NOL8: variants seen among roughly 807,000 people sequenced by gnomAD.
NOL8 encodes nucleolar protein Nop132.
Under a neutral mutation model 116.1 loss-of-function variants are expected in NOL8, and 93 were observed. That is an observed-to-expected ratio of 0.80 (90% CI 0.68 to 0.95). The LOEUF (loss-of-function observed/expected upper bound fraction) is 0.95. Ranked by LOEUF, NOL8 falls within the 40% of genes least tolerant of loss-of-function variation. The pLI is 0.00. For synonymous variants in NOL8, 419 were observed against 469.0 expected (o/e 0.89, Z 1.38); for missense variants, 1,291 against 1,382.8 (o/e 0.93, Z 1.05).
At chr9:92,310,792 G>A in intron 8 of NOL8, 117 bp from the exon 9 acceptor site, 3 of 1,118,768 alleles carry the variant, frequency 2.7e-6, no homozygotes, top group Non-Finnish European at 3.8e-6. Context: ...TACCAGGAAT[G>A]AGTAAATGGC....
Position 92,298,278 on chromosome 9 carries a change from G to C in NOL8, c.3432C>G (p.Ala1144=), listed in dbSNP as rs1403935473. The change falls in exon 16 of 17, where the codon GCC becomes GCG. Residue 1144 remains alanine (A), a synonymous_variant. Coordinates refer to ENST00000442668, the MANE Select transcript of NOL8 (RefSeq NM_017948.6). ...TCACCATACGCAGGTTGGTTGTTCT[G>C]GCCTCCCAAGAGTTCCTGCTCATAT... is the stretch of plus-strand genomic sequence containing the variant. The part of the protein sequence containing the change: ...GSNMSRNSWE[A]RTTNLRMDCR... 6.2e-7 allele frequency: 1 copy of C among 1,608,368 alleles called. No individual in the cohort carries two copies. The highest frequency in any genetic ancestry group is 1.1e-5 in the South Asian group (1 of 89,560).
intron 6 of NOL8, among the ~76,000 whole-genome samples, chr9:92,318,141 C>T (rs1053171365): frequency 3.3e-5 from 5 of 151,472 alleles, no homozygotes; most frequent in African/African-American, 1.2e-4. Context: ...AATGTGACCT[C>T]ACTGAATAGG....
intron 1 of NOL8, 66 bp from the exon 2 acceptor site, chr9:92,324,275 G>T: frequency 1.7e-6 from 2 of 1,182,458 alleles, no homozygotes; most frequent in Non-Finnish European, 2.4e-6. Context: ...TACTTCCTCT[G>T]AACCTTCTGT....
In NOL8 at chr9:92,298,338, T is replaced by C. The variant is rs1184310392; in HGVS notation, c.3374-2A>G. On this transcript the variant is annotated splice_acceptor_variant, in intron 15 of 16. Transcript: ENST00000442668. LOFTEE classifies it high-confidence loss of function. Reference sequence around the variant, plus strand: ...CTCCTCTCCAGAATAAGTCAGAACCTATTAGGGGAAAAAGAAGAAAGATGA... The same window carrying C: ...CTCCTCTCCAGAATAAGTCAGAACCCATTAGGGGAAAAAGAAGAAAGATGA... 1 of 1,591,024 alleles carries C rather than the reference T, an allele frequency of 6.3e-7. No homozygotes were observed. The highest frequency in any genetic ancestry group is 1.8e-5 in the Admixed American group (1 of 56,582).
intron 12 of NOL8, among the ~76,000 whole-genome samples, chr9:92,302,250 T>C (rs1468041264): frequency 6.6e-6 from 1 of 152,116 alleles, no homozygotes; most frequent in African/African-American, 2.4e-5. Flanking sequence ...TGTAAATCAG[T>C]TGTAGAAATT....
rs760063198 is a variant in NOL8 at position 92,316,141 on chromosome 9, T to C, written c.487-3A>G. 1.2e-6 allele frequency: 2 copies of C among 1,603,956 alleles called. No homozygotes were observed. Among genetic ancestry groups the C allele is most frequent in the Admixed American group, 1.7e-5 (1 of 57,866 alleles). ...TTTGAGGGATCATATTTGATGATGT[T>C]ACGCAAGTCAAGAAACAAAACTAAA... On this transcript the variant is annotated splice_polypyrimidine_tract_variant and splice_region_variant and intron_variant, in intron 6 of 16. Coordinates refer to ENST00000442668, the MANE Select transcript of NOL8 (RefSeq NM_017948.6).
chr9:92,315,803 A>T lies in NOL8; in HGVS notation c.822T>A (p.Asp274Glu). The T allele has an allele frequency of 6.2e-7, 1 of 1,613,786 alleles. No homozygotes were observed. Among genetic ancestry groups the T allele is most frequent in the Non-Finnish European group, 8.5e-7 (1 of 1,179,756 alleles). Residue 274 changes from aspartate to glutamate, a missense_variant, in exon 7 of 17, where the codon GAT becomes GAA. Asp to Glu is a conservative substitution (Grantham distance 45). Coordinates refer to ENST00000442668, the MANE Select transcript of NOL8 (RefSeq NM_017948.6). ...PSKSSPVPVS[D>E]TQKLKNLPFK... ...AAGGTAGATTTTTAAGTTTCTGAGT[A>T]TCAGAAACAGGTACAGGAGATGATT...
chr9:92,309,381 TA>T (rs1838558202), intron 10 of NOL8, among the ~76,000 whole-genome samples: 1 of 152,002 alleles, frequency 6.6e-6, no homozygotes, highest in Non-Finnish European at 1.5e-5. Flanking sequence ...AAGACCTAAC[TA>T]TGTCTGTAGA....
rs1319337157 is a variant in NOL8 at position 92,315,266 on chromosome 9, GGAGT to G, written c.1355_1358del (p.His452ProfsTer13). ...CAGAATCAGCATCTTCACTGCTACT[GGAGT>G]GAGAGGGAGATTTACGATTAAGAGA... On this transcript the variant is annotated frameshift_variant, in exon 7 of 17. Transcript: ENST00000442668. LOFTEE classifies it high-confidence loss of function. 6.2e-7 allele frequency: 1 copy of G among 1,613,946 alleles called. No homozygotes were observed.
chr9:92,313,279 C>T (rs7863396), intron 7 of NOL8, among the ~76,000 whole-genome samples: 7,576 of 152,200 alleles, frequency 0.05, 629 homozygotes, highest in African/African-American at 0.17. Flanking sequence ...TGGTTACAGA[C>T]GGAGCCGTTC....
chr9:92,307,809 G>T (rs1838410297), intron 10 of NOL8, among the ~76,000 whole-genome samples: 1 of 152,148 alleles, frequency 6.6e-6, no homozygotes, highest in Admixed American at 6.5e-5. Context: ...TTATAAACTA[G>T]GTAAAGTTAT....
intron 11 of NOL8, 147 bp from the exon 12 acceptor site, chr9:92,305,977 C>A: frequency 1.6e-6 from 1 of 615,536 alleles, no homozygotes. Context: ...TAACTAGGAT[C>A]TTACTAGAAA....
Position 92,310,188 on chromosome 9 carries a change from C to T in NOL8, c.2669G>A (p.Ser890Asn), listed in dbSNP as rs1317846608. ...GCATTTACCTTCCTGTTCCTCTTCA[C>T]TGTCAGTTTCTAGAAATCGAGAGTC... ...RMDSRFLETD[S>N]EEEQEEVNEK... Residue 890 changes from serine to asparagine, a missense_variant, in exon 10 of 17, where the codon AGT (serine) becomes AAT (asparagine). Physicochemically the swap from Ser to Asn is conservative, Grantham distance 46. Coordinates refer to ENST00000442668, the MANE Select transcript of NOL8 (RefSeq NM_017948.6). 1.9e-6 allele frequency: 3 copies of T among 1,607,528 alleles called. No homozygotes were observed. Among genetic ancestry groups the T allele is most frequent in the Non-Finnish European group, 2.5e-6 (3 of 1,176,994 alleles).
chr9:92,323,524 CAAACA>C (rs1372756648), intron 2 of NOL8, 21 bp from the exon 3 acceptor site: 5 of 1,576,560 alleles, frequency 3.2e-6, no homozygotes, highest in African/African-American at 1.4e-5. Flanking sequence ...AACAAACAAA[CAAACA>C]AAACAATTTA....
chr9:92,315,561 C>T lies in NOL8; in HGVS notation c.1064G>A (p.Gly355Asp), dbSNP rs1259924935. The T allele has an allele frequency of 6.2e-7, 1 of 1,612,404 alleles. No individual in the cohort carries two copies. The highest frequency in any genetic ancestry group is 1.1e-5 in the South Asian group (1 of 90,906). The part of the protein sequence containing the change: ...VHKLHSLIGL[G>D]IKNRVSCHDS... ...ATGGCAAGAGACACGATTTTTGATA[C>T]CTAAACCTATTAAAGAATGCAGTTT... is the stretch of plus-strand genomic sequence containing the variant. The change falls in exon 7 of 17, where the codon GGT (glycine) becomes GAT (aspartate). Residue 355 changes from glycine to aspartate, a missense_variant. Coordinates refer to ENST00000442668, the MANE Select transcript of NOL8 (RefSeq NM_017948.6).
intron 12 of NOL8, among the ~76,000 whole-genome samples, chr9:92,302,363 A>G (rs1199042396): frequency 6.6e-6 from 1 of 152,224 alleles, no homozygotes; most frequent in Non-Finnish European, 1.5e-5. Context: ...ATCTGGGACA[A>G]AAAGTTACTT....
chr9:92,319,174 C>T, intron 5 of NOL8, 47 bp downstream of exon 5: 1 of 1,473,110 alleles, frequency 6.8e-7, no homozygotes, highest in Non-Finnish European at 9.0e-7. Flanking sequence ...TCTCAGGCAT[C>T]AGTTTCCAAG....
intron 12 of NOL8, among the ~76,000 whole-genome samples, chr9:92,303,079 C>T (rs967876775): frequency 7.9e-5 from 12 of 151,910 alleles, no homozygotes; most frequent in Admixed American, 1.3e-4. Flanking sequence ...CTGGTTTCAT[C>T]CTACTGATTA....
At chr9:92,307,381 CATA>C (rs1161182864) in intron 10 of NOL8, among the ~76,000 whole-genome samples, 3 of 152,028 alleles carry the variant, frequency 2.0e-5, no homozygotes, top group Non-Finnish European at 4.4e-5. Flanking sequence ...ACATTCTAAA[CATA>C]ATCTAAATTA....
Sources: allele counts gnomAD v4.1 joint callset (sites outside exome capture counted in the v4.1 genomes callset), GRCh38; gene constraint gnomAD v4.1.1; transcripts MANE v1.5; gene names NCBI Gene and HGNC (gene_info 2026-07-23, HGNC 2026-07-21).